SGIP1: variants seen among roughly 807,000 people sequenced by gnomAD.
SGIP1 encodes SH3-containing GRB2-like protein 3-interacting protein 1.
Under a neutral mutation model 107.5 loss-of-function variants are expected in SGIP1, and 38 were observed. The ratio of observed to expected loss-of-function variants is 0.35; its 90% CI spans 0.27 to 0.46. SGIP1 has a LOEUF of 0.46. SGIP1 is among the 20% of genes least tolerant of loss of function. The pLI, the probability that SGIP1 is intolerant of heterozygous loss-of-function variation, is 1.00. For missense variants in SGIP1, 929 were observed against 1,019.5 expected (o/e 0.91, Z 1.21); for synonymous variants, 365 against 366.1 (o/e 1.00, Z 0.03).
intron 1 of SGIP1, among the ~76,000 whole-genome samples, chr1:66,538,625 G>A (rs2054168826): frequency 6.6e-6 from 1 of 152,134 alleles, no homozygotes; most frequent in Non-Finnish European, 1.5e-5. Context: ...CAATTTTTAT[G>A]TTCCTGAAAG....
chr1:66,718,077 C>T (rs2093344869), intron 18 of SGIP1, among the ~76,000 whole-genome samples: 1 of 152,096 alleles, frequency 6.6e-6, no homozygotes, highest in African/African-American at 2.4e-5. Context: ...AAAAAAGAGA[C>T]TAGCATGAAC....
rs1240368735 is a variant in SGIP1, at chr1:66,747,540, G to A, written c.*4445G>A. 1 of 151,974 alleles carries A rather than the reference G, an allele frequency of 6.6e-6. No homozygotes were observed. The highest frequency in any genetic ancestry group is 1.9e-4 in the East Asian group (1 of 5,200). 9.4% of individuals were successfully genotyped at this position (151,974 alleles called of 1,614,324 possible). ...ACTTGAAGTAGAAGGGAAGTTGCAA[G>A]CTGTTATTTATTCAAATACAAAATC... is the stretch of plus-strand genomic sequence containing the variant. On this transcript the variant is annotated 3_prime_UTR_variant, in exon 25 of 25. Transcript: ENST00000371037.
intron 1 of SGIP1, among the ~76,000 whole-genome samples, chr1:66,550,579 C>T (rs1010740642): frequency 2.0e-5 from 3 of 152,108 alleles, no homozygotes; most frequent in Non-Finnish European, 2.9e-5. Flanking sequence ...CACTGCCCCT[C>T]CCCCAAGAGG....
chr1:66,640,352 A>T (rs2076547058), intron 5 of SGIP1, among the ~76,000 whole-genome samples: 1 of 152,136 alleles, frequency 6.6e-6, no homozygotes, highest in African/African-American at 2.4e-5. Context: ...TTTAATATTA[A>T]ATCTGGGTGT....
chr1:66,707,585 T>C (rs1272430478), intron 18 of SGIP1, among the ~76,000 whole-genome samples: 1 of 152,180 alleles, frequency 6.6e-6, no homozygotes, highest in Non-Finnish European at 1.5e-5. Flanking sequence ...AGCACCTGAG[T>C]GTTCCTTTAG....
chr1:66,741,328 C>G lies in SGIP1; in HGVS notation c.2356C>G (p.Pro786Ala). 1 of 1,607,712 alleles carries G rather than the reference C, an allele frequency of 6.2e-7. No homozygotes were observed. The highest frequency in any genetic ancestry group is 8.5e-7 in the Non-Finnish European group (1 of 1,176,924). The change falls in exon 24 of 25, where the codon CCA becomes GCA. Residue 786 changes from proline to alanine, a missense_variant. This residue lies in a region of SGIP1 where 341 missense variants were observed against 430.9 expected (regional missense o/e 0.79). Transcript: ENST00000371037. ...QLSEGPSKPS[P>A]LVVQFTSEGS... ...ATCTGAAGGCCCAAGCAAACCTTCTCCATTGGTTGTGCAGTTCACAAGTGA... is the reference window on the plus strand; with the variant it reads ...ATCTGAAGGCCCAAGCAAACCTTCTGCATTGGTTGTGCAGTTCACAAGTGA...
chr1:66,536,782 G>C (rs1489551747), intron 1 of SGIP1, among the ~76,000 whole-genome samples: 1 of 149,962 alleles, frequency 6.7e-6, no homozygotes, highest in Non-Finnish European at 1.5e-5. Flanking sequence ...CACACACACA[G>C]AGTCATCCAC....
chr1:66,610,184 A>G (rs183989262), intron 1 of SGIP1, among the ~76,000 whole-genome samples: 1 of 152,350 alleles, frequency 6.6e-6, no homozygotes, highest in Admixed American at 6.5e-5. Flanking sequence ...AGAAGTAGAT[A>G]CAAAAACCAT....
At chr1:66,552,818 T>C (rs2057617887) in intron 1 of SGIP1, among the ~76,000 whole-genome samples, 1 of 152,082 alleles carries the variant, frequency 6.6e-6, no homozygotes, top group Non-Finnish European at 1.5e-5. Context: ...TAAGAGGTAA[T>C]TTACATCAGG....
At chr1:66,632,476 A>C (rs922612583) in intron 2 of SGIP1, among the ~76,000 whole-genome samples, 1 of 152,196 alleles carries the variant, frequency 6.6e-6, no homozygotes, top group African/African-American at 2.4e-5. Flanking sequence ...GACCATTCGC[A>C]GAAGAAAAGA....
chr1:66,701,231 A>G (rs2091860016), intron 18 of SGIP1, among the ~76,000 whole-genome samples: 1 of 152,186 alleles, frequency 6.6e-6, no homozygotes, highest in Non-Finnish European at 1.5e-5. Context: ...GAAAATTGGA[A>G]GATATGACCA....
chr1:66,716,078 T>C (rs1355199089), intron 18 of SGIP1, among the ~76,000 whole-genome samples: 1 of 152,128 alleles, frequency 6.6e-6, no homozygotes, highest in African/African-American at 2.4e-5. Context: ...AGATAACAAG[T>C]GTCAGAGACA....
intron 18 of SGIP1, among the ~76,000 whole-genome samples, chr1:66,711,239 A>T (rs1417312211): frequency 6.6e-6 from 1 of 152,122 alleles, no homozygotes; most frequent in African/African-American, 2.4e-5. Flanking sequence ...TCTGTTATTG[A>T]CTATCCTCAA....
intron 1 of SGIP1, among the ~76,000 whole-genome samples, chr1:66,623,418 C>A (rs1301924182): frequency 6.6e-6 from 1 of 151,844 alleles, no homozygotes; most frequent in Non-Finnish European, 1.5e-5. Context: ...CAGGCTAATT[C>A]TTTTGTATTT....
At chr1:66,669,394 G>A (rs2083283490) in intron 9 of SGIP1, among the ~76,000 whole-genome samples, 1 of 152,142 alleles carries the variant, frequency 6.6e-6, no homozygotes, top group Non-Finnish European at 1.5e-5. Flanking sequence ...GGACCTCCTG[G>A]CTTTTAGGCC....
At position 66,744,836 on chromosome 1, in the gene SGIP1, G is replaced by A. The variant is rs1049659466; in HGVS notation, c.*1741G>A. 1 of 152,370 alleles carries A rather than the reference G, an allele frequency of 6.6e-6. No individual in the cohort carries two copies. The highest frequency in any genetic ancestry group is 1.5e-5 in the Non-Finnish European group (1 of 67,892). The allele number at this position is 152,370 out of a possible 1,614,324, so 9.4% of individuals were successfully genotyped here. On this transcript the variant is annotated 3_prime_UTR_variant, in exon 25 of 25. Coordinates refer to ENST00000371037, the MANE Select transcript of SGIP1 (RefSeq NM_032291.4). ...CCCCCTACAGCAGTCTGGTGTTGAA[G>A]TTTCTTTGAACGAACTAAATATACT...
chr1:66,719,180 G>T, intron 18 of SGIP1, 114 bp from the exon 19 acceptor site: 1 of 613,334 alleles, frequency 1.6e-6, no homozygotes, highest in Non-Finnish European at 2.8e-6. Flanking sequence ...AGCACATTTT[G>T]TTTTACATTA....
Position 66,690,294 on chromosome 1 carries a change from C to T in SGIP1, c.1548C>T (p.Ser516=), listed in dbSNP as rs759754678. The T allele has an allele frequency of 1.3e-5, 21 of 1,614,048 alleles. No homozygotes were observed. Among genetic ancestry groups the T allele is most frequent in the East Asian group, 2.2e-5 (1 of 44,898 alleles). The change falls in exon 17 of 25, where the codon AGC becomes AGT. Residue 516 remains serine, a synonymous_variant. Coordinates refer to ENST00000371037, the MANE Select transcript of SGIP1 (RefSeq NM_032291.4). The stretch of plus-strand genomic sequence containing the variant: ...CAATATCGTCAACCAATTCCTTGAG[C>T]GCAGCCACCACTCCCACAGTTGGTA... ...TSSISSTNSL[S]AATTPTVENE...
intron 1 of SGIP1, among the ~76,000 whole-genome samples, chr1:66,614,493 C>G (rs1246527959): frequency 1.3e-5 from 2 of 152,148 alleles, no homozygotes; most frequent in Non-Finnish European, 2.9e-5. Context: ...CCTTTAAGGC[C>G]TCTCCAAAGA....
Sources: allele counts gnomAD v4.1 joint callset (sites outside exome capture counted in the v4.1 genomes callset), GRCh38; gene constraint gnomAD v4.1.1; regional missense constraint gnomAD v4.1.1; transcripts MANE v1.5; gene names NCBI Gene and HGNC (gene_info 2026-07-23, HGNC 2026-07-21).